SV2C: variants seen among roughly 807,000 people sequenced by gnomAD.
The protein encoded by SV2C is solute carrier family 22 member B3.
Under a neutral mutation model 79.7 loss-of-function variants are expected in SV2C, and 49 were observed. The observed-to-expected ratio is 0.61, with a 90% CI of 0.49 to 0.78. The LOEUF (loss-of-function observed/expected upper bound fraction) is 0.78. Ranked by LOEUF, SV2C falls within the 30% of genes least tolerant of loss-of-function variation. The pLI is 0.00. For synonymous variants in SV2C, 334 were observed against 333.2 expected (o/e 1.00, Z -0.03); for missense variants, 833 against 912.9 (o/e 0.91, Z 1.13).
chr5:75,945,315 TTC>T, the SV2C span, among the ~76,000 whole-genome samples: 2 of 151,364 alleles, frequency 1.3e-5, no homozygotes, highest in East Asian at 1.9e-4. Flanking sequence ...ATTATTATTT[TTC>T]TCTCTCTCTT....
At chr5:76,015,053 G>T in the SV2C span, among the ~76,000 whole-genome samples, 7 of 152,110 alleles carry the variant, frequency 4.6e-5, no homozygotes, top group African/African-American at 1.2e-4. Flanking sequence ...TGTAGTTAAG[G>T]TTGGGGTCAT....
At chr5:76,029,131 A>G in the SV2C span, among the ~76,000 whole-genome samples, 1 of 152,194 alleles carries the variant, frequency 6.6e-6, no homozygotes, top group Non-Finnish European at 1.5e-5. Context: ...GTATGTAGTT[A>G]TTATGCACAA....
chr5:76,154,418 AGC>A (rs1474037973), intron 2 of SV2C, among the ~76,000 whole-genome samples: 1 of 152,228 alleles, frequency 6.6e-6, no homozygotes, highest in Non-Finnish European at 1.5e-5. Flanking sequence ...AGAGCTCTTA[AGC>A]ATTCATTGTT....
At chr5:76,035,924 G>C in the SV2C span, among the ~76,000 whole-genome samples, 1 of 152,030 alleles carries the variant, frequency 6.6e-6, no homozygotes, top group Admixed American at 6.6e-5. Context: ...ATGAATCTGG[G>C]TGCTCCTGTA....
chr5:76,245,991 T>G (rs917372435), intron 4 of SV2C, among the ~76,000 whole-genome samples: 1 of 150,654 alleles, frequency 6.6e-6, no homozygotes, highest in Non-Finnish European at 1.5e-5. Context: ...ATATAGAAGG[T>G]TTTTTTTCCA....
rs61746767 is a variant in SV2C at position 76,209,750 on chromosome 5, T to C, written c.776T>C (p.Ile259Thr). 16 of 1,614,072 alleles carry C rather than the reference T, an allele frequency of 9.9e-6. No homozygotes were observed. The highest frequency in any genetic ancestry group is 2.7e-5 in the African/African-American group (2 of 74,954). Reference protein sequence around the residue: ...LLSGFGIGGAIPTVFSYFAEV... With the variant: ...LLSGFGIGGATPTVFSYFAEV... The stretch of plus-strand genomic sequence containing the variant: ...CCTCTTGGCAGGATTGGAGGAGCCA[T>C]ACCCACTGTGTTCTCGTACTTTGCT... The change falls in exon 4 of 13, where the codon ATA becomes ACA. Residue 259 changes from isoleucine to threonine, a missense_variant. Transcript: ENST00000502798.
the SV2C span, among the ~76,000 whole-genome samples, chr5:75,985,380 G>C: frequency 2.6e-5 from 4 of 151,922 alleles, no homozygotes; most frequent in African/African-American, 9.7e-5. Flanking sequence ...ATGAGTTTTA[G>C]CACAGAGAAA....
intron 4 of SV2C, among the ~76,000 whole-genome samples, chr5:76,220,509 T>TA (rs1745034808): frequency 6.7e-6 from 1 of 150,138 alleles, no homozygotes; most frequent in South Asian, 2.1e-4. Flanking sequence ...CCATCTCTAC[T>TA]AAAAATACAA....
At chr5:75,853,400 C>G in the SV2C span, among the ~76,000 whole-genome samples, 1 of 150,970 alleles carries the variant, frequency 6.6e-6, no homozygotes, top group Non-Finnish European at 1.5e-5. Flanking sequence ...ACTAAAAATA[C>G]AAAAAACTAG....
chr5:76,310,736 C>A (rs1483505028), intron 12 of SV2C, among the ~76,000 whole-genome samples: 3 of 152,078 alleles, frequency 2.0e-5, no homozygotes, highest in Non-Finnish European at 4.4e-5. Context: ...AAACAAAGGC[C>A]TCCATAGAAA....
At chr5:76,313,413 T>C (rs1446104316) in intron 12 of SV2C, among the ~76,000 whole-genome samples, 1 of 152,120 alleles carries the variant, frequency 6.6e-6, no homozygotes, top group East Asian at 1.9e-4. Flanking sequence ...TTGTCTCTGG[T>C]AGTTAGAAGT....
Position 76,119,259 on chromosome 5 carries a change from G to A in SV2C, c.-101-12391G>A, listed in dbSNP as rs576153792. Among the ~76,000 whole-genome samples, 4 of 152,182 alleles carry A rather than the reference G, an allele frequency of 2.6e-5. No individual in the cohort carries two copies. The South Asian group carries it at 8.3e-4, about 31-fold the overall frequency. On this transcript the variant is annotated intron_variant, in intron 1 of 12. Coordinates refer to ENST00000502798, the MANE Select transcript of SV2C (RefSeq NM_014979.4). ...AACATGTCAACCTCTGGGTCAAGAT[G>A]GTGGCTGAAGCACATGCTAAACCCC...
At chr5:75,878,190 A>G in the SV2C span, among the ~76,000 whole-genome samples, 2 of 152,144 alleles carry the variant, frequency 1.3e-5, no homozygotes, top group African/African-American at 4.8e-5. Flanking sequence ...TGAAAATGCT[A>G]TGTATAGTTG....
the SV2C span, among the ~76,000 whole-genome samples, chr5:76,029,409 G>A: frequency 1.3e-5 from 2 of 152,116 alleles, no homozygotes; most frequent in Admixed American, 6.6e-5. Flanking sequence ...GATCAGTAGA[G>A]TTTTCGTTAA....
the SV2C span, among the ~76,000 whole-genome samples, chr5:76,076,978 C>T: frequency 6.6e-6 from 1 of 152,152 alleles, no homozygotes; most frequent in South Asian, 2.1e-4. Context: ...AAAACCTACC[C>T]CATCATATTA....
At position 76,131,800 on chromosome 5, in the gene SV2C, A is replaced by G. The variant is rs767074287; in HGVS notation, c.50A>G (p.Asp17Gly). The stretch of plus-strand genomic sequence containing the variant: ...ACTTCACTGATGAAGGGTGCCAAGG[A>G]CATTGCCAGAGAGGTGAAGAAACAA... ...DRTSLMKGAKDIAREVKKQTV... is the reference protein window; with the variant it reads ...DRTSLMKGAKGIAREVKKQTV... Residue 17 changes from aspartate to glycine, a missense_variant, in exon 2 of 13, where the codon GAC (aspartate) becomes GGC (glycine). Transcript: ENST00000502798. The G allele has an allele frequency of 1.2e-6, 2 of 1,614,042 alleles. No individual in the cohort carries two copies. Among genetic ancestry groups the G allele is most frequent in the Admixed American group, 3.3e-5 (2 of 60,012 alleles).
At chr5:75,916,055 G>C in the SV2C span, among the ~76,000 whole-genome samples, 1 of 152,164 alleles carries the variant, frequency 6.6e-6, no homozygotes, top group East Asian at 1.9e-4. Flanking sequence ...AGGCAATAGA[G>C]AATTACTTAC....
intron 1 of SV2C, among the ~76,000 whole-genome samples, chr5:76,112,845 C>T (rs950587911): frequency 6.6e-6 from 1 of 152,110 alleles, no homozygotes; most frequent in African/African-American, 2.4e-5. Flanking sequence ...CACAAAAGTG[C>T]CTTTATACCT....
the SV2C span, among the ~76,000 whole-genome samples, chr5:75,989,658 A>T: frequency 6.6e-6 from 1 of 151,758 alleles, no homozygotes; most frequent in African/African-American, 2.4e-5. Flanking sequence ...TAGTAATGGG[A>T]TTGCTGTGTA....
Sources: gnomAD v4.1 joint callset for allele counts (sites outside exome capture counted in the v4.1 genomes callset) on GRCh38, gnomAD v4.1.1 for gene constraint, MANE v1.5 for transcripts, NCBI Gene and HGNC (gene_info 2026-07-23, HGNC 2026-07-21) for gene names.